Variants in GCLC observed in about 807,000 individuals in gnomAD.
GCLC encodes the protein glutamate--cysteine ligase catalytic subunit.
GCLC carries 30 observed loss-of-function variants against 81.5 expected under a neutral mutation model. The observed-to-expected ratio is 0.37, with a 90% confidence interval of 0.28 to 0.50. GCLC has a LOEUF of 0.50. GCLC is among the 20% of genes least tolerant of loss of function. The pLI is 0.96. For missense variants in GCLC, 556 were observed against 777.4 expected (o/e 0.72, Z 3.39); for synonymous variants, 262 against 273.3 (o/e 0.96, Z 0.41).
chr6:53,503,932 G>A (rs907943206), intron 12 of GCLC, among the ~76,000 whole-genome samples: 3 of 152,158 alleles, frequency 2.0e-5, no homozygotes, highest in South Asian at 2.1e-4. Flanking sequence ...CTCTACTGGT[G>A]AGAATACTCA....
At chr6:53,519,487 G>A (rs1762947426) in intron 3 of GCLC, among the ~76,000 whole-genome samples, 1 of 137,332 alleles carries the variant, frequency 7.3e-6, no homozygotes, top group African/African-American at 2.8e-5. Flanking sequence ...ATCTCCTCCT[G>A]CTAGCACAGC....
At chr6:53,541,266 T>C (rs968986414) in intron 1 of GCLC, among the ~76,000 whole-genome samples, 8 of 152,144 alleles carry the variant, frequency 5.3e-5, no homozygotes, top group Admixed American at 3.3e-4. Flanking sequence ...GGAGAATTAG[T>C]ATCTGCATCC....
Position 53,518,067 on chromosome 6 carries a change from A to G in GCLC, c.447-1845T>C, listed in dbSNP as rs972370366. On this transcript the variant is annotated intron_variant, in intron 3 of 15. Transcript: ENST00000650454. Reference sequence around the variant, plus strand: ...TATCATTTATTGTGGATGTATAGGGAGGCTTCTAACCACTAAATAACTAAT... The same window carrying G: ...TATCATTTATTGTGGATGTATAGGGGGGCTTCTAACCACTAAATAACTAAT... Among the ~76,000 whole-genome samples the G allele has an allele frequency of 2.5e-4, 38 of 152,092 alleles. 1 individual carries two copies. Among genetic ancestry groups the G allele is most frequent in the Admixed American group, 2.4e-3 (37 of 15,260 alleles).
chr6:53,524,257 A>G (rs1307744092), intron 1 of GCLC, among the ~76,000 whole-genome samples: 1 of 152,254 alleles, frequency 6.6e-6, no homozygotes, highest in Non-Finnish European at 1.5e-5. Context: ...CAAGGCCACA[A>G]GTGTCAGGCA....
intron 1 of GCLC, among the ~76,000 whole-genome samples, chr6:53,541,020 G>C (rs1763344700): frequency 6.6e-6 from 1 of 152,122 alleles, no homozygotes; most frequent in African/African-American, 2.4e-5. Flanking sequence ...TTCGAGACCA[G>C]CCTGGCCAAC....
chr6:53,504,399 C>T (rs1294591453), intron 12 of GCLC, among the ~76,000 whole-genome samples: 1 of 152,140 alleles, frequency 6.6e-6, no homozygotes, highest in Non-Finnish European at 1.5e-5. Flanking sequence ...CCTTGCAAGA[C>T]CAGTAGGCCC....
intron 1 of GCLC, among the ~76,000 whole-genome samples, chr6:53,537,818 A>T (rs1763282267): frequency 6.6e-6 from 1 of 152,040 alleles, no homozygotes; most frequent in Non-Finnish European, 1.5e-5. Context: ...GATATACTGG[A>T]TGTTTTAAAT....
At chr6:53,527,378 C>T (rs2127627371) in intron 1 of GCLC, among the ~76,000 whole-genome samples, 1 of 152,322 alleles carries the variant, frequency 6.6e-6, no homozygotes, top group Admixed American at 6.5e-5. Flanking sequence ...TTAGTTTTCT[C>T]CTTACACTAA....
intron 1 of GCLC, among the ~76,000 whole-genome samples, chr6:53,540,668 C>CACAA (rs1763337824): frequency 3.2e-5 from 1 of 31,610 alleles, no homozygotes; most frequent in South Asian, 1.4e-3. Context: ...AGTGTCTTGC[C>CACAA]ACACACACAC....
In GCLC at chr6:53,525,018, C is replaced by T. The variant is rs1432784440; in HGVS notation, c.151-2491G>A. On this transcript the variant is annotated intron_variant, in intron 1 of 15. Transcript: ENST00000650454. ...CTCCTCAATTAAAGTATAATCACTT[C>T]ATGATCTCATTAAGCAAATGAAACA... 4.6e-5 allele frequency among the ~76,000 whole-genome samples: 7 copies of T among 152,300 alleles called. No individual in the cohort carries two copies. In the East Asian group the frequency reaches 1.3e-3, roughly 29 times the overall value.
At chr6:53,527,132 CCTT>C (rs1295867214) in intron 1 of GCLC, among the ~76,000 whole-genome samples, 1 of 152,166 alleles carries the variant, frequency 6.6e-6, no homozygotes, top group African/African-American at 2.4e-5. Flanking sequence ...ACTTTCCCCT[CCTT>C]ACACCCTGGG....
intron 3 of GCLC, among the ~76,000 whole-genome samples, chr6:53,520,287 G>A (rs901609185): frequency 1.3e-5 from 2 of 152,152 alleles, no homozygotes; most frequent in Non-Finnish European, 2.9e-5. Flanking sequence ...ATAGAGCATC[G>A]GTATCGATAG....
At chr6:53,517,804 C>G (rs548328993) in intron 3 of GCLC, among the ~76,000 whole-genome samples, 6 of 152,300 alleles carry the variant, frequency 3.9e-5, no homozygotes, top group Admixed American at 3.3e-4. Flanking sequence ...ACTATCCAAA[C>G]CGATGTGGTA....
In GCLC at chr6:53,506,591, G is replaced by T. The variant is rs149788688; in HGVS notation, c.1197+322C>A. Among the ~76,000 whole-genome samples, 1,214 of 152,084 alleles carry T rather than the reference G, an allele frequency of 8.0e-3. 20 individuals are homozygous for T. Among genetic ancestry groups the T allele is most frequent in the African/African-American group, 0.028 (1,174 of 41,484 alleles). ...CTGAAGCACTGAAATAACTGATCAG[G>T]TTATTTTTTGTGCAGTGTATGTTTG... On this transcript the variant is annotated intron_variant, in intron 10 of 15. Coordinates refer to ENST00000650454, the MANE Select transcript of GCLC (RefSeq NM_001498.4). The surrounding 1 kb of genome is among the most constrained non-coding windows in gnomAD (Gnocchi z 4.0).
chr6:53,497,923 C>T lies in GCLC; in HGVS notation c.*833G>A, dbSNP rs17880473. On this transcript the variant is annotated 3_prime_UTR_variant, in exon 16 of 16. Transcript: ENST00000650454. ...AGAATAACAGGCCACAAGAGAAGAA[C>T]GCCATTTTTGACAATATCCTTTGTA... 1,161 of 152,308 alleles carry T rather than the reference C, an allele frequency of 7.6e-3. 10 individuals are homozygous for T. The highest frequency in any genetic ancestry group is 0.025 in the African/African-American group (1,048 of 41,426). 9.4% of individuals were successfully genotyped at this position (152,308 alleles called of 1,614,324 possible). A position where few individuals can be genotyped will look rare whatever the true frequency, so the allele number is the denominator to read the frequency against.
At chr6:53,529,795 A>G (rs1226573818) in intron 1 of GCLC, among the ~76,000 whole-genome samples, 1 of 152,264 alleles carries the variant, frequency 6.6e-6, no homozygotes, top group Non-Finnish European at 1.5e-5. Flanking sequence ...TGCAGTAGCC[A>G]GAGCTGGGGC....
Position 53,507,026 on chromosome 6 carries a change from CT to C in GCLC, c.1085-2del. The C allele has an allele frequency of 1.3e-6, 2 of 1,540,436 alleles. No individual in the cohort carries two copies. Among genetic ancestry groups the C allele is most frequent in the Non-Finnish European group, 9.0e-7 (1 of 1,112,996 alleles). On this transcript the variant is annotated splice_acceptor_variant, in intron 9 of 15. Transcript: ENST00000650454. LOFTEE classifies it high-confidence loss of function. ...TGCTGGGCCAGGAGATGATCAATGC[CT>C]GCAAAAAGAGATCACATGGGAACTC...
At chr6:53,514,567 C>T in intron 4 of GCLC, 70 bp from the exon 5 acceptor site, 3 of 1,062,066 alleles carry the variant, frequency 2.8e-6, no homozygotes, top group South Asian at 2.5e-5. Context: ...AATTTGATTA[C>T]ATACAAGTAA....
chr6:53,508,023 T>C (rs572322301), intron 8 of GCLC, among the ~76,000 whole-genome samples: 2 of 152,332 alleles, frequency 1.3e-5, no homozygotes, highest in East Asian at 3.9e-4. Context: ...AGTAGTAGTA[T>C]AGCCCTGGTT....
Sources: allele counts gnomAD v4.1 joint callset (sites outside exome capture counted in the v4.1 genomes callset), GRCh38; gene constraint gnomAD v4.1.1; non-coding constraint Gnocchi (gnomAD v3.1); transcripts MANE v1.5; gene names NCBI Gene and HGNC (gene_info 2026-07-23, HGNC 2026-07-21).